Variants in GRIK2 observed in about 807,000 individuals in gnomAD.
GRIK2 encodes glutamate ionotropic receptor kainate type subunit 2, also known as glutamate receptor ionotropic, kainate 2.
In GRIK2, 32 loss-of-function variants were observed where a neutral mutation model predicts 100.3. The ratio of observed to expected loss-of-function variants is 0.32; its 90% CI spans 0.24 to 0.43. The LOEUF (loss-of-function observed/expected upper bound fraction) is 0.43, where lower values mean the gene tolerates loss of function less well. Ranked by LOEUF, GRIK2 falls within the 20% of genes least tolerant of loss-of-function variation. GRIK2 has a pLI of 1.00. For missense variants in GRIK2, 843 were observed against 1,114.9 expected (o/e 0.76, Z 3.47); for synonymous variants, 417 against 389.4 (o/e 1.07, Z -0.83).
At chr6:101,815,582 G>A (rs1168351736) in intron 9 of GRIK2, among the ~76,000 whole-genome samples, 9 of 150,858 alleles carry the variant, frequency 6.0e-5, no homozygotes, top group Non-Finnish European at 8.8e-5. Context: ...ATTCTGTAAG[G>A]TCAACAGTGC....
At chr6:101,612,563 G>T (rs544072778) in intron 2 of GRIK2, among the ~76,000 whole-genome samples, 39 of 151,870 alleles carry the variant, frequency 2.6e-4, no homozygotes, top group Non-Finnish European at 4.6e-4. Flanking sequence ...GCAGGAGTTT[G>T]CATTATGTTT....
intron 2 of GRIK2, among the ~76,000 whole-genome samples, chr6:101,451,171 T>C (rs556059237): frequency 2.2e-4 from 34 of 151,856 alleles, no homozygotes; most frequent in Admixed American, 7.9e-4. Context: ...TTAATCTTTA[T>C]GTTTGAGCTC....
intron 11 of GRIK2, among the ~76,000 whole-genome samples, chr6:101,872,498 C>T (rs1227066913): frequency 1.3e-5 from 2 of 151,828 alleles, no homozygotes; most frequent in African/African-American, 4.8e-5. Flanking sequence ...TAACCACCCC[C>T]ATGATTGAAT....
intron 2 of GRIK2, among the ~76,000 whole-genome samples, chr6:101,560,794 C>T (rs1259814046): frequency 6.6e-6 from 1 of 152,010 alleles, no homozygotes; most frequent in African/African-American, 2.4e-5. Context: ...CACTATTTGT[C>T]AACTTCATTT....
intron 2 of GRIK2, among the ~76,000 whole-genome samples, chr6:101,422,072 G>C (rs1051474507): frequency 1.3e-5 from 2 of 152,172 alleles, no homozygotes. Context: ...TTCTGGCCTT[G>C]TTATAGGAGA....
chr6:101,754,535 T>C (rs1777003051), intron 7 of GRIK2, among the ~76,000 whole-genome samples: 1 of 152,176 alleles, frequency 6.6e-6, no homozygotes, highest in Non-Finnish European at 1.5e-5. Context: ...TGCTAACCAA[T>C]CATAATGTAA....
intron 7 of GRIK2, among the ~76,000 whole-genome samples, chr6:101,689,956 G>A (rs1290516308): frequency 1.3e-5 from 2 of 152,070 alleles, no homozygotes; most frequent in Non-Finnish European, 2.9e-5. Context: ...CCAGTCCTCT[G>A]ACCAGACATT....
chr6:101,493,969 A>G (rs532578760), intron 2 of GRIK2, among the ~76,000 whole-genome samples: 8 of 128,790 alleles, frequency 6.2e-5, no homozygotes, highest in South Asian at 2.7e-4. Context: ...TATTTTATAT[A>G]TAATTTATAT....
In GRIK2 at chr6:101,397,093, A is replaced by G. The variant is rs942626859; in HGVS notation, c.-293-1892A>G. On this transcript the variant is annotated intron_variant, in intron 1 of 16. Coordinates refer to ENST00000369134, the MANE Select transcript of GRIK2 (RefSeq NM_021956.5). ...AAATGTCATTATATTAATGGAATAC[A>G]TGAACAAAGAGATGTGGTACATTTT... Among the ~76,000 whole-genome samples the G allele has an allele frequency of 7.2e-5, 11 of 152,334 alleles. 1 individual carries two copies. The South Asian group carries it at 2.1e-3, about 29-fold the overall frequency.
intron 7 of GRIK2, among the ~76,000 whole-genome samples, chr6:101,739,825 A>G (rs1025964491): frequency 1.3e-5 from 2 of 151,976 alleles, no homozygotes; most frequent in Non-Finnish European, 2.9e-5. Flanking sequence ...GTCATGTTTC[A>G]CTGCAAACCT....
chr6:101,397,279 CTAGGATCAAAAAGAAAA>C (rs1775048305), intron 1 of GRIK2, among the ~76,000 whole-genome samples: 1 of 152,020 alleles, frequency 6.6e-6, no homozygotes, highest in Non-Finnish European at 1.5e-5. Flanking sequence ...ATTATCTCTG[CTAGGATCAAAAAGAAAA>C]TGAACAAACA....
At chr6:101,586,601 A>G (rs1033183824) in intron 2 of GRIK2, among the ~76,000 whole-genome samples, 2 of 151,910 alleles carry the variant, frequency 1.3e-5, no homozygotes, top group African/African-American at 4.8e-5. Context: ...AGAAATCATA[A>G]GTAGATGCCT....
chr6:101,554,126 A>C (rs1319397403), intron 2 of GRIK2, among the ~76,000 whole-genome samples: 1 of 152,184 alleles, frequency 6.6e-6, no homozygotes, highest in East Asian at 1.9e-4. Flanking sequence ...AAGCAGTAGG[A>C]ACAGAATTAG....
chr6:101,552,879 A>G (rs964026354), intron 2 of GRIK2, among the ~76,000 whole-genome samples: 1 of 152,220 alleles, frequency 6.6e-6, no homozygotes, highest in African/African-American at 2.4e-5. Flanking sequence ...AATACTCTAA[A>G]AAACACTCTA....
Position 101,668,455 on chromosome 6 carries a change from A to T in GRIK2, c.542-8168A>T, listed in dbSNP as rs1315760044. 9.9e-5 allele frequency among the ~76,000 whole-genome samples: 15 copies of T among 152,200 alleles called. 1 individual carries two copies. Among genetic ancestry groups the T allele is most frequent in the Non-Finnish European group, 2.2e-4 (15 of 68,046 alleles). ...ATTACAAAATCCATAGCTGGTACAT[A>T]TGCACTATTTAGTTAGCTTTAAAAC... is the stretch of plus-strand genomic sequence containing the variant. On this transcript the variant is annotated intron_variant, in intron 4 of 16. Coordinates refer to ENST00000369134, the MANE Select transcript of GRIK2 (RefSeq NM_021956.5).
chr6:101,600,398 A>T (rs1477243917), intron 2 of GRIK2, among the ~76,000 whole-genome samples: 1 of 151,772 alleles, frequency 6.6e-6, no homozygotes, highest in African/African-American at 2.4e-5. Flanking sequence ...TTTTGGTTCC[A>T]TGTGAAATTT....
At chr6:101,591,137 TCTGA>T (rs1778618948) in intron 2 of GRIK2, among the ~76,000 whole-genome samples, 3 of 152,036 alleles carry the variant, frequency 2.0e-5, no homozygotes, top group African/African-American at 7.2e-5. Flanking sequence ...TCTGAAAGGT[TCTGA>T]CTTTCTAGAT....
chr6:101,698,081 AGTAG>A (rs1772625337), intron 7 of GRIK2, among the ~76,000 whole-genome samples: 1 of 152,110 alleles, frequency 6.6e-6, no homozygotes, highest in Admixed American at 6.6e-5. Context: ...TAAATTTAAG[AGTAG>A]GTAGTTGCTT....
chr6:101,736,183 G>C (rs1237007790), intron 7 of GRIK2, among the ~76,000 whole-genome samples: 2 of 152,192 alleles, frequency 1.3e-5, no homozygotes. Flanking sequence ...CCTCATGACT[G>C]CTTTCATGGG....
Sources: allele counts gnomAD v4.1 joint callset (sites outside exome capture counted in the v4.1 genomes callset), GRCh38; gene constraint gnomAD v4.1.1; transcripts MANE v1.5; gene names NCBI Gene and HGNC (gene_info 2026-07-23, HGNC 2026-07-21).